Variants in WDPCP observed in about 807,000 individuals in gnomAD.
WDPCP encodes the protein WD repeat containing planar cell polarity effector, also known as WD repeat-containing and planar cell polarity effector protein fritz homolog.
WDPCP carries 71 observed loss-of-function variants against 93.1 expected under a neutral mutation model. The ratio of observed to expected loss-of-function variants is 0.76; its 90% CI spans 0.63 to 0.93. WDPCP has a LOEUF of 0.93. Among genes scored for constraint, WDPCP ranks in the 40% least tolerant of loss-of-function variants. The probability of loss-of-function intolerance (pLI) is 0.00; values close to 1 mark genes in which losing one functional copy is unlikely to be tolerated. For synonymous variants in WDPCP, 315 were observed against 315.0 expected (o/e 1.00, Z 0.00); for missense variants, 844 against 887.4 (o/e 0.95, Z 0.62).
the WDPCP span, among the ~76,000 whole-genome samples, chr2:63,836,268 G>A: frequency 6.6e-6 from 1 of 152,178 alleles, no homozygotes; most frequent in Non-Finnish European, 1.5e-5. Context: ...TCCAGTGGTG[G>A]CACTAGCAGG....
intron 10 of WDPCP, among the ~76,000 whole-genome samples, chr2:63,393,381 G>A: frequency 6.6e-6 from 1 of 151,938 alleles, no homozygotes; most frequent in South Asian, 2.1e-4. Flanking sequence ...ACTGGGGCCT[G>A]TCAGCGGGTG....
At chr2:63,166,090 G>A (rs116476474) in intron 15 of WDPCP, among the ~76,000 whole-genome samples, 2,043 of 151,134 alleles carry the variant, frequency 0.014, 57 homozygotes, top group African/African-American at 0.048. Context: ...ATTTTGAAAC[G>A]GAGTCTAGCC....
chr2:63,432,198 G>T (rs2105452096), intron 9 of WDPCP, among the ~76,000 whole-genome samples: 1 of 152,208 alleles, frequency 6.6e-6, no homozygotes, highest in Middle Eastern at 3.4e-3. Flanking sequence ...ACTCTAGAAA[G>T]GTGAGATAAG....
At chr2:63,386,875 G>A (rs1356573559) in intron 10 of WDPCP, among the ~76,000 whole-genome samples, 1 of 151,898 alleles carries the variant, frequency 6.6e-6, no homozygotes, top group Non-Finnish European at 1.5e-5. Flanking sequence ...ATGCACTCAA[G>A]CTAGAAAACC....
In WDPCP at chr2:63,575,465, A is replaced by ATACAC. The variant is rs1558832849; in HGVS notation, c.75+12731_75+12732insGTGTA. 5.6e-3 allele frequency among the ~76,000 whole-genome samples: 74 copies of ATACAC among 13,214 alleles called. 23 individuals carry two copies. Among genetic ancestry groups the ATACAC allele is most frequent in the African/African-American group, 0.019 (67 of 3,490 alleles). 8.7% of individuals were successfully genotyped at this position (13,214 alleles called of 152,430 possible). A position where few individuals can be genotyped will look rare whatever the true frequency, so the allele number is the denominator to read the frequency against. On this transcript the variant is annotated intron_variant, in intron 1 of 17. Coordinates refer to ENST00000272321, the MANE Select transcript of WDPCP (RefSeq NM_015910.7). ...TGTATACACTGTATATACAGTATAT[A>ATACAC]TGCAGTATATACAGTGTATATATAG...
chr2:63,223,391 G>A (rs1678005002), intron 14 of WDPCP, among the ~76,000 whole-genome samples: 1 of 152,108 alleles, frequency 6.6e-6, no homozygotes, highest in Non-Finnish European at 1.5e-5. Flanking sequence ...ATATTGTTTG[G>A]TTGTGAAAAT....
chr2:63,659,746 C>T (rs932274754), intron 2 of WDPCP, among the ~76,000 whole-genome samples: 1 of 152,164 alleles, frequency 6.6e-6, no homozygotes, highest in Non-Finnish European at 1.5e-5. Context: ...GGAACTAATA[C>T]AGTAGATACA....
chr2:63,344,457 T>A (rs1161005658), intron 12 of WDPCP, among the ~76,000 whole-genome samples: 1 of 152,170 alleles, frequency 6.6e-6, no homozygotes, highest in Non-Finnish European at 1.5e-5. Flanking sequence ...CCTCCAGAGG[T>A]GTAAACCCAG....
chr2:63,198,646 C>A (rs1343076705), intron 14 of WDPCP, among the ~76,000 whole-genome samples: 1 of 152,170 alleles, frequency 6.6e-6, no homozygotes, highest in Non-Finnish European at 1.5e-5. Flanking sequence ...CCTTCACTCT[C>A]TTCCTCCTGC....
intron 10 of WDPCP, among the ~76,000 whole-genome samples, chr2:63,387,132 T>C (rs535904242): frequency 6.6e-6 from 1 of 152,236 alleles, no homozygotes; most frequent in East Asian, 1.9e-4. Flanking sequence ...TAACTCATTC[T>C]ATGAGGCCAG....
chr2:63,573,653 T>C (rs1439672511), intron 1 of WDPCP, among the ~76,000 whole-genome samples: 2 of 152,166 alleles, frequency 1.3e-5, no homozygotes, highest in Non-Finnish European at 2.9e-5. Flanking sequence ...TTGAACAATA[T>C]GAAATCTGGG....
At chr2:63,710,216 C>T (rs777427522) in intron 2 of WDPCP, among the ~76,000 whole-genome samples, 33 of 152,138 alleles carry the variant, frequency 2.2e-4, no homozygotes, top group Non-Finnish European at 4.3e-4. Flanking sequence ...AGCACTGTGG[C>T]AGGAAAGTGG....
chr2:63,734,424 A>T (rs1224876291), intron 2 of WDPCP, among the ~76,000 whole-genome samples: 4 of 152,014 alleles, frequency 2.6e-5, no homozygotes. Flanking sequence ...TCTTGTGACC[A>T]GTTATCTACA....
chr2:63,489,312 G>C (rs1226811072), intron 2 of WDPCP, among the ~76,000 whole-genome samples: 2 of 152,074 alleles, frequency 1.3e-5, no homozygotes, highest in African/African-American at 2.4e-5. Flanking sequence ...GTGGTAGATA[G>C]GAATGAGATG....
At chr2:63,362,587 A>T (rs1690568897) in intron 12 of WDPCP, among the ~76,000 whole-genome samples, 1 of 152,062 alleles carries the variant, frequency 6.6e-6, no homozygotes, top group Non-Finnish European at 1.5e-5. Context: ...GTTCCCATAG[A>T]TTTGAAAAAT....
At chr2:63,170,059 AT>A (rs545470006) in intron 15 of WDPCP, among the ~76,000 whole-genome samples, 62 of 144,434 alleles carry the variant, frequency 4.3e-4, no homozygotes, top group South Asian at 1.1e-3. Context: ...TGCCAGGCTA[AT>A]TTTTTTTTTT....
At chr2:63,478,226 C>A (rs1700077114) in intron 6 of WDPCP, among the ~76,000 whole-genome samples, 1 of 152,000 alleles carries the variant, frequency 6.6e-6, no homozygotes, top group Non-Finnish European at 1.5e-5. Flanking sequence ...AGATAGACAG[C>A]AACACAGTAT....
chr2:63,493,937 A>T (rs1171651536), intron 1 of WDPCP, among the ~76,000 whole-genome samples: 1 of 152,186 alleles, frequency 6.6e-6, no homozygotes, highest in East Asian at 1.9e-4. Context: ...ATGGAGGAAA[A>T]ATCCTTCAGC....
intron 1 of WDPCP, among the ~76,000 whole-genome samples, chr2:63,496,209 A>T (rs1024797289): frequency 6.6e-6 from 1 of 152,224 alleles, no homozygotes; most frequent in Admixed American, 6.5e-5. Flanking sequence ...AATTTTATAG[A>T]TGAAACCAAA....
Sources: allele counts gnomAD v4.1 joint callset (sites outside exome capture counted in the v4.1 genomes callset), GRCh38; gene constraint gnomAD v4.1.1; transcripts MANE v1.5; gene names NCBI Gene and HGNC (gene_info 2026-07-23, HGNC 2026-07-21).